Variants in C12orf42 observed in about 807,000 individuals in gnomAD.
C12orf42 encodes uncharacterized protein C12orf42.
C12orf42 carries 25 observed loss-of-function variants against 21.6 expected under a neutral mutation model. The ratio of observed to expected loss-of-function variants is 1.16; its 90% CI spans 0.84 to 1.62. The LOEUF (loss-of-function observed/expected upper bound fraction) is 1.62. C12orf42 is among the 40% of genes most tolerant of loss of function. C12orf42 has a pLI of 0.00. For missense variants in C12orf42, 483 were observed against 459.3 expected (o/e 1.05, Z -0.47); for synonymous variants, 174 against 175.0 (o/e 0.99, Z 0.05).
At position 103,437,672 on chromosome 12, in the gene C12orf42, C is replaced by T. The variant is rs1258986374; in HGVS notation, c.79-35997G>A. On this transcript the variant is annotated intron_variant, in intron 2 of 5. Transcript: ENST00000548883. ...AAATCTAGAAGAAATGCATAAATTC[C>T]TCGACACATACACTCTCCCAAAACT... is the stretch of plus-strand genomic sequence containing the variant. Among the ~76,000 whole-genome samples, 3 of 151,778 alleles carry T rather than the reference C, an allele frequency of 2.0e-5. No individual in the cohort carries two copies. The East Asian group carries it at 5.8e-4, about 29-fold the overall frequency.
At chr12:103,275,626 A>C (rs2035720299) in intron 5 of C12orf42, among the ~76,000 whole-genome samples, 1 of 152,180 alleles carries the variant, frequency 6.6e-6, no homozygotes, top group African/African-American at 2.4e-5. Flanking sequence ...AGGGCATATA[A>C]ATAGAGAAAA....
chr12:103,357,040 G>GC (rs967277510), intron 4 of C12orf42, among the ~76,000 whole-genome samples: 4 of 150,158 alleles, frequency 2.7e-5, no homozygotes, highest in African/African-American at 9.8e-5. Context: ...GTAAACTATC[G>GC]CAAGGACAAA....
chr12:103,468,678 AC>A (rs988332494), intron 2 of C12orf42, among the ~76,000 whole-genome samples: 1 of 152,188 alleles, frequency 6.6e-6, no homozygotes, highest in African/African-American at 2.4e-5. Flanking sequence ...ATTGCTGCTT[AC>A]AAAAGTTGTG....
intron 4 of C12orf42, among the ~76,000 whole-genome samples, chr12:103,287,541 A>T (rs574156806): frequency 1.3e-5 from 2 of 151,946 alleles, no homozygotes; most frequent in Non-Finnish European, 2.9e-5. Context: ...AACATCACAC[A>T]CCAGGGACTG....
chr12:103,185,076 C>T, the C12orf42 span, among the ~76,000 whole-genome samples: 2 of 151,910 alleles, frequency 1.3e-5, no homozygotes, highest in Non-Finnish European at 2.9e-5. Context: ...CTTATGGTAG[C>T]CCTAAAAAAA....
chr12:103,393,076 T>A (rs35982214), intron 3 of C12orf42, among the ~76,000 whole-genome samples: 28,016 of 152,112 alleles, frequency 0.18, 3,061 homozygotes, highest in East Asian at 0.35. Flanking sequence ...ATTTAATTCC[T>A]TTTTTGGTCA....
At chr12:103,283,589 C>T (rs899071198) in intron 4 of C12orf42, among the ~76,000 whole-genome samples, 2 of 152,332 alleles carry the variant, frequency 1.3e-5, no homozygotes, top group South Asian at 4.1e-4. Flanking sequence ...TCATTTTCCT[C>T]TCCAGAGTCT....
chr12:103,293,561 C>T lies in C12orf42; in HGVS notation n.338-16351G>A, dbSNP rs528581752. 3.3e-5 allele frequency among the ~76,000 whole-genome samples: 5 copies of T among 152,222 alleles called. No homozygotes were observed. In the South Asian group the frequency reaches 1.0e-3, roughly 32 times the overall value. ...TATTCCAACCAGAACTGATCTCTCC[C>T]TTCTCTAACTTTCTACTGCACTTAC... is the stretch of plus-strand genomic sequence containing the variant. On this transcript the variant is annotated intron_variant and non_coding_transcript_variant, in intron 4 of 6. Transcript: ENST00000546526.
chr12:103,351,289 C>T (rs1030492136), intron 4 of C12orf42, among the ~76,000 whole-genome samples: 28 of 152,216 alleles, frequency 1.8e-4, no homozygotes, highest in South Asian at 4.1e-4. Flanking sequence ...ATAAGGTAAA[C>T]GCCAACCTGT....
chr12:103,377,119 C>T (rs2045769218), intron 3 of C12orf42, among the ~76,000 whole-genome samples: 1 of 151,978 alleles, frequency 6.6e-6, no homozygotes. Flanking sequence ...TTCTCTCTTC[C>T]CTTATTCCTG....
At chr12:103,199,629 C>T in the C12orf42 span, among the ~76,000 whole-genome samples, 6 of 152,104 alleles carry the variant, frequency 3.9e-5, no homozygotes, top group South Asian at 6.2e-4. Context: ...AAACAAATAA[C>T]CTAATGTTAA....
the C12orf42 span, among the ~76,000 whole-genome samples, chr12:103,180,356 T>C: frequency 3.3e-5 from 5 of 152,062 alleles, no homozygotes; most frequent in African/African-American, 1.2e-4. Flanking sequence ...GAACTAAAGA[T>C]TGAAAAACAA....
the C12orf42 span, among the ~76,000 whole-genome samples, chr12:103,164,036 G>T: frequency 6.6e-6 from 1 of 152,192 alleles, no homozygotes; most frequent in Non-Finnish European, 1.5e-5. Context: ...ATGATGCAAT[G>T]ATCAGAAGCA....
intron 5 of C12orf42, among the ~76,000 whole-genome samples, chr12:103,272,276 G>T (rs562335229): frequency 2.2e-4 from 34 of 152,086 alleles, no homozygotes; most frequent in Non-Finnish European, 4.4e-4. Context: ...GGCATTAAAG[G>T]AGCCACTCAG....
At chr12:103,089,991 C>T in the C12orf42 span, among the ~76,000 whole-genome samples, 4 of 152,312 alleles carry the variant, frequency 2.6e-5, no homozygotes, top group East Asian at 7.7e-4. Context: ...TACCCACACA[C>T]ACTGTATTAG....
intron 2 of C12orf42, among the ~76,000 whole-genome samples, chr12:103,430,511 G>A (rs931924917): frequency 6.6e-6 from 1 of 152,190 alleles, no homozygotes; most frequent in African/African-American, 2.4e-5. Context: ...TTACACTGTT[G>A]GTGGGAGTGT....
intron 3 of C12orf42, 118 bp downstream of exon 3, chr12:103,401,489 C>T (rs1321380255): frequency 5.0e-6 from 4 of 792,366 alleles, no homozygotes; most frequent in Non-Finnish European, 8.2e-6. Context: ...TGTAAAAAAT[C>T]CTTTACTAGC....
chr12:103,307,700 G>T (rs1302733574), intron 4 of C12orf42, among the ~76,000 whole-genome samples: 2 of 152,060 alleles, frequency 1.3e-5, no homozygotes, highest in African/African-American at 4.8e-5. Flanking sequence ...CACAGAAAAA[G>T]GGAAGAATAA....
chr12:103,410,711 A>C (rs758857495), intron 2 of C12orf42, among the ~76,000 whole-genome samples: 2 of 152,226 alleles, frequency 1.3e-5, no homozygotes, highest in Non-Finnish European at 2.9e-5. Context: ...GTGAAAACAG[A>C]GGAGTTATTC....
Sources: allele counts gnomAD v4.1 joint callset (sites outside exome capture counted in the v4.1 genomes callset), GRCh38; gene constraint gnomAD v4.1.1; transcripts MANE v1.5; gene names NCBI Gene and HGNC (gene_info 2026-07-23, HGNC 2026-07-21).